Variants in TMC2 observed in about 807,000 individuals in gnomAD.
The protein encoded by TMC2 is transmembrane channel-like protein 2.
In TMC2, 102 loss-of-function variants were observed where a neutral mutation model predicts 105.9. That is an observed-to-expected ratio of 0.96 (90% CI 0.82 to 1.14). The LOEUF is 1.14. TMC2 is among the 50% of genes most tolerant of loss of function. TMC2 has a pLI of 0.00. For missense variants in TMC2, 1,093 were observed against 1,134.3 expected (o/e 0.96, Z 0.52); for synonymous variants, 402 against 422.8 (o/e 0.95, Z 0.60).
In TMC2 at chr20:2,616,699, G is replaced by T. The variant is rs2086484711; in HGVS notation, c.1941-373G>T. ...ACTTTCAAGGTGCCAAGGGCTCGCT[G>T]CAAGCCACTGTCCAATTCTCTCAAT... On this transcript the variant is annotated intron_variant, in intron 15 of 19. Coordinates refer to ENST00000358864, the MANE Select transcript of TMC2 (RefSeq NM_080751.3). This position sits in a 1 kb window ranked among gnomAD's most constrained non-coding sequence, Gnocchi z 4.8. 6.6e-6 allele frequency among the ~76,000 whole-genome samples: 1 copy of T among 152,212 alleles called. No homozygotes were observed. The highest frequency in any genetic ancestry group is 1.5e-5 in the Non-Finnish European group (1 of 68,032).
intron 16 of TMC2, among the ~76,000 whole-genome samples, chr20:2,621,514 C>G (rs2146254147): frequency 6.7e-6 from 1 of 149,738 alleles, no homozygotes; most frequent in South Asian, 2.1e-4. Context: ...ACTAAAAATA[C>G]AAAAACTAGC....
chr20:2,624,236 G>A, intron 16 of TMC2, 35 bp from the exon 17 acceptor site: 2 of 1,604,018 alleles, frequency 1.2e-6, no homozygotes, highest in Non-Finnish European at 8.5e-7. Context: ...CAGGCACATG[G>A]CAGCATGTTA....
chr20:2,538,372 A>G (rs1223198815), intron 2 of TMC2, among the ~76,000 whole-genome samples: 1 of 151,774 alleles, frequency 6.6e-6, no homozygotes, highest in Admixed American at 6.6e-5. Flanking sequence ...TGCCTCATCC[A>G]CTCTTTATCT....
chr20:2,614,054 T>TG (rs1014211401), intron 14 of TMC2: 1 of 150,908 alleles, frequency 6.6e-6, no homozygotes, highest in Non-Finnish European at 1.5e-5. Context: ...TGTCACATTT[T>TG]TTTTCGTTCA....
intron 7 of TMC2, among the ~76,000 whole-genome samples, chr20:2,587,890 A>G (rs1442701633): frequency 6.6e-6 from 1 of 152,038 alleles, no homozygotes; most frequent in African/African-American, 2.4e-5. Flanking sequence ...TTTGACCAAC[A>G]TTTCCCAATC....
chr20:2,548,123 C>A (rs999881614), intron 2 of TMC2, among the ~76,000 whole-genome samples: 10 of 152,196 alleles, frequency 6.6e-5, no homozygotes, highest in African/African-American at 2.4e-4. Flanking sequence ...TGTCAACTGT[C>A]ACACATCAGC....
At chr20:2,594,286 G>T (rs2086289404) in intron 8 of TMC2, among the ~76,000 whole-genome samples, 1 of 147,170 alleles carries the variant, frequency 6.8e-6, no homozygotes, top group South Asian at 2.2e-4. Flanking sequence ...GGAGTGCACG[G>T]GCATGATCTC....
chr20:2,612,730 T>C (rs968754048), intron 13 of TMC2, among the ~76,000 whole-genome samples: 16 of 152,184 alleles, frequency 1.1e-4, no homozygotes, highest in African/African-American at 3.6e-4. Context: ...AAAATCTGAC[T>C]AGCAGAAGAT....
chr20:2,547,354 C>T (rs530701550), intron 2 of TMC2, among the ~76,000 whole-genome samples: 14 of 152,260 alleles, frequency 9.2e-5, no homozygotes, highest in Admixed American at 2.6e-4. Context: ...CACCAGGACT[C>T]TAACAAAAGG....
chr20:2,586,659 A>G (rs1423555288), intron 7 of TMC2, among the ~76,000 whole-genome samples: 1 of 152,124 alleles, frequency 6.6e-6, no homozygotes, highest in Admixed American at 6.5e-5. Context: ...CCGAGTGAGA[A>G]CTCACTTATC....
chr20:2,607,297 C>T (rs1056595200), intron 11 of TMC2, among the ~76,000 whole-genome samples: 3 of 152,018 alleles, frequency 2.0e-5, no homozygotes, highest in Non-Finnish European at 2.9e-5. Flanking sequence ...GAGCTCCTGC[C>T]TCTCATCCCT....
intron 12 of TMC2, among the ~76,000 whole-genome samples, chr20:2,611,862 A>G (rs1295424603): frequency 3.0e-5 from 3 of 101,564 alleles, no homozygotes; most frequent in East Asian, 3.0e-4. Context: ...GGATGGATGG[A>G]TGGATGGGTG....
chr20:2,617,758 T>C (rs565378995), intron 16 of TMC2: 9 of 171,760 alleles, frequency 5.2e-5, no homozygotes, highest in African/African-American at 2.2e-4. Flanking sequence ...TCACCCAGGC[T>C]GGAGTGCAGT....
chr20:2,567,333 C>G (rs979956153), intron 4 of TMC2, among the ~76,000 whole-genome samples: 9 of 152,166 alleles, frequency 5.9e-5, no homozygotes, highest in African/African-American at 2.2e-4. Flanking sequence ...AATCAGGCAA[C>G]ATTACCTACA....
intron 17 of TMC2, among the ~76,000 whole-genome samples, chr20:2,631,665 T>C (rs1328968742): frequency 1.3e-5 from 2 of 151,808 alleles, no homozygotes; most frequent in African/African-American, 4.8e-5. Flanking sequence ...TATATGATTA[T>C]TTGTTTCTCT....
chr20:2,610,644 A>G (rs755387882), intron 12 of TMC2, 46 bp downstream of exon 12: 2 of 1,216,650 alleles, frequency 1.6e-6, no homozygotes, highest in Non-Finnish European at 2.1e-6. Context: ...CCTGGTGCCC[A>G]TAGTATTTTC....
intron 2 of TMC2, among the ~76,000 whole-genome samples, chr20:2,545,577 T>A (rs186995535): frequency 1.3e-5 from 2 of 152,306 alleles, no homozygotes; most frequent in African/African-American, 2.4e-5. Context: ...CAAATAATGC[T>A]GTAAACTGTT....
At chr20:2,564,150 C>CTTTT (rs71193976) in intron 4 of TMC2, among the ~76,000 whole-genome samples, 4,235 of 120,004 alleles carry the variant, frequency 0.035, 278 homozygotes, top group Non-Finnish European at 0.049. Context: ...TCAGCCTCCT[C>CTTTT]TTTTTTTTTT....
chr20:2,540,062 CT>C (rs1178316564), intron 2 of TMC2, among the ~76,000 whole-genome samples: 1 of 141,136 alleles, frequency 7.1e-6, no homozygotes, highest in African/African-American at 2.8e-5. Context: ...GTGATCTCAG[CT>C]CACTGCAACC....
Sources: allele counts gnomAD v4.1 joint callset (sites outside exome capture counted in the v4.1 genomes callset), GRCh38; gene constraint gnomAD v4.1.1; non-coding constraint Gnocchi (gnomAD v3.1); transcripts MANE v1.5; gene names NCBI Gene and HGNC (gene_info 2026-07-23, HGNC 2026-07-21).